DRC11: variants seen among roughly 807,000 people sequenced by gnomAD.
The protein encoded by DRC11 is dynein regulatory complex subunit 11.
chr2:236,430,370 G>T, the DRC11 span, among the ~76,000 whole-genome samples: 2 of 152,170 alleles, frequency 1.3e-5, no homozygotes, highest in Non-Finnish European at 2.9e-5. This position sits in a 1 kb window ranked among gnomAD's most constrained non-coding sequence, Gnocchi z 6.0. Context: ...AGTGCACAGA[G>T]ATGTACACAG....
the DRC11 span, among the ~76,000 whole-genome samples, chr2:236,333,684 C>T: frequency 6.6e-6 from 1 of 152,192 alleles, no homozygotes. This position sits in a 1 kb window ranked among gnomAD's most constrained non-coding sequence, Gnocchi z 6.0. Context: ...CACGTGCTCA[C>T]TGGCAACCAA....
chr2:236,504,298 C>T, the DRC11 span, among the ~76,000 whole-genome samples: 1 of 152,136 alleles, frequency 6.6e-6, no homozygotes, highest in Admixed American at 6.5e-5. This position sits in a 1 kb window ranked among gnomAD's most constrained non-coding sequence, Gnocchi z 5.0. Flanking sequence ...CTTTCTATTG[C>T]TAAGTTTCCT....
the DRC11 span, chr2:236,392,089 A>C: frequency 1.2e-6 from 2 of 1,609,340 alleles, no homozygotes; most frequent in African/African-American, 1.3e-5. This position sits in a 1 kb window ranked among gnomAD's most constrained non-coding sequence, Gnocchi z 5.1. Flanking sequence ...AATACAAAAC[A>C]TACTACTTTT....
chr2:236,489,351 C>T, the DRC11 span, among the ~76,000 whole-genome samples: 1 of 137,052 alleles, frequency 7.3e-6, no homozygotes, highest in Non-Finnish European at 1.5e-5. Context: ...TGTGTGGGCT[C>T]CGGGTACATG....
the DRC11 span, among the ~76,000 whole-genome samples, chr2:236,428,540 T>C: frequency 5.9e-5 from 9 of 152,200 alleles, no homozygotes; most frequent in Non-Finnish European, 7.4e-5. Context: ...TTGTCTGACA[T>C]GATTATAGTT....
chr2:236,454,158 G>C, the DRC11 span, among the ~76,000 whole-genome samples: 1 of 152,172 alleles, frequency 6.6e-6, no homozygotes, highest in Non-Finnish European at 1.5e-5. The surrounding 1 kb of genome is among the most constrained non-coding windows in gnomAD (Gnocchi z 5.3). Context: ...ACCTGGGACA[G>C]CCTGCGGGCC....
At chr2:236,382,210 C>T in the DRC11 span, among the ~76,000 whole-genome samples, 1 of 152,148 alleles carries the variant, frequency 6.6e-6, no homozygotes, top group African/African-American at 2.4e-5. Context: ...TGTCTCTTTC[C>T]TCCTTTGAAT....
At chr2:236,357,642 A>AAACATAT in the DRC11 span, among the ~76,000 whole-genome samples, 1 of 122,864 alleles carries the variant, frequency 8.1e-6, no homozygotes, top group Non-Finnish European at 1.6e-5. Flanking sequence ...TATAATATGT[A>AAACATAT]AATATATAAA....
the DRC11 span, among the ~76,000 whole-genome samples, chr2:236,373,147 A>G: frequency 6.7e-6 from 1 of 148,762 alleles, no homozygotes; most frequent in Non-Finnish European, 1.5e-5. Flanking sequence ...TTTCTAAAAC[A>G]TTTTCCCCTT....
the DRC11 span, among the ~76,000 whole-genome samples, chr2:236,357,087 AT>A: frequency 3.8e-5 from 2 of 52,974 alleles, no homozygotes; most frequent in Non-Finnish European, 7.3e-5. Context: ...ATATCTATAT[AT>A]TTTATATATT....
the DRC11 span, among the ~76,000 whole-genome samples, chr2:236,369,887 A>G: frequency 6.6e-6 from 1 of 152,202 alleles, no homozygotes; most frequent in African/African-American, 2.4e-5. This position sits in a 1 kb window ranked among gnomAD's most constrained non-coding sequence, Gnocchi z 4.5. Flanking sequence ...ACGAAAAGGC[A>G]TTTAGGATAG....
the DRC11 span, among the ~76,000 whole-genome samples, chr2:236,433,858 T>A: frequency 6.6e-6 from 1 of 152,254 alleles, no homozygotes; most frequent in African/African-American, 2.4e-5. Context: ...ATGTTTCTAG[T>A]GAATTTCTTT....
the DRC11 span, chr2:236,338,360 T>G: frequency 5.6e-6 from 9 of 1,613,668 alleles, no homozygotes; most frequent in Non-Finnish European, 6.8e-6. Flanking sequence ...GGGAAGGTGT[T>G]TTTTCAGGCG....
At chr2:236,325,030 C>G in the DRC11 span, among the ~76,000 whole-genome samples, 217 of 152,256 alleles carry the variant, frequency 1.4e-3, 1 homozygote, top group African/African-American at 4.5e-3. This position sits in a 1 kb window ranked among gnomAD's most constrained non-coding sequence, Gnocchi z 4.4. Flanking sequence ...TTCAGAGAAT[C>G]TCAGGCTAAA....
chr2:236,450,212 C>T, the DRC11 span, among the ~76,000 whole-genome samples: 2 of 151,488 alleles, frequency 1.3e-5, no homozygotes, highest in Admixed American at 1.3e-4. Flanking sequence ...TGGAATGGGT[C>T]CAATTTTCTT....
the DRC11 span, among the ~76,000 whole-genome samples, chr2:236,346,447 T>C: frequency 6.6e-6 from 1 of 152,202 alleles, no homozygotes; most frequent in Non-Finnish European, 1.5e-5. Flanking sequence ...GCCCTGGTCA[T>C]ACAGGTCCAG....
the DRC11 span, chr2:236,343,736 C>T: frequency 7.7e-7 from 1 of 1,304,136 alleles, no homozygotes; most frequent in Non-Finnish European, 1.0e-6. The surrounding 1 kb of genome is among the most constrained non-coding windows in gnomAD (Gnocchi z 6.6). Context: ...TTCTGCAATG[C>T]AGCAACTTCG....
At chr2:236,426,477 T>C in the DRC11 span, among the ~76,000 whole-genome samples, 1 of 150,420 alleles carries the variant, frequency 6.6e-6, no homozygotes, top group African/African-American at 2.5e-5. The surrounding 1 kb of genome is among the most constrained non-coding windows in gnomAD (Gnocchi z 4.1). Flanking sequence ...ATCTTTTGTA[T>C]GCTGATTTTG....
At chr2:236,496,106 C>G in the DRC11 span, among the ~76,000 whole-genome samples, 1 of 152,194 alleles carries the variant, frequency 6.6e-6, no homozygotes, top group South Asian at 2.1e-4. The surrounding 1 kb of genome is among the most constrained non-coding windows in gnomAD (Gnocchi z 6.3). Context: ...ATTTGTTTCA[C>G]AGTTATCCTA....
Sources: allele counts gnomAD v4.1 joint callset (sites outside exome capture counted in the v4.1 genomes callset), GRCh38; gene constraint gnomAD v4.1.1; non-coding constraint Gnocchi (gnomAD v3.1); transcripts MANE v1.5; gene names NCBI Gene and HGNC (gene_info 2026-07-23, HGNC 2026-07-21).